PPP1R21: variants seen among roughly 807,000 people sequenced by gnomAD.
The protein encoded by PPP1R21 is protein phosphatase 1 regulatory subunit 21, also known as KLRAQ motif containing 1.
A neutral mutation model predicts 112.8 loss-of-function variants in PPP1R21; 85 were observed. The ratio of observed to expected loss-of-function variants is 0.75; its 90% CI spans 0.63 to 0.90. PPP1R21 has a LOEUF of 0.90. PPP1R21 is among the 40% of genes least tolerant of loss of function. PPP1R21 has a pLI of 0.00. For missense variants in PPP1R21, 1,199 were observed against 901.5 expected, an observed-to-expected ratio of 1.33 and a Z score of -4.23; for synonymous variants, 381 against 322.3, an observed-to-expected ratio of 1.18 and a Z score of -1.95.
At chr2:48,454,988 C>T (rs1014112212) in intron 3 of PPP1R21, among the ~76,000 whole-genome samples, 1 of 152,050 alleles carries the variant, frequency 6.6e-6, no homozygotes, top group East Asian at 1.9e-4. Flanking sequence ...TAGGTGTGCA[C>T]AACCATGCCT....
chr2:48,504,852 G>C (rs184194975), intron 17 of PPP1R21, among the ~76,000 whole-genome samples: 3 of 152,096 alleles, frequency 2.0e-5, no homozygotes, highest in Non-Finnish European at 2.9e-5. Flanking sequence ...GCAGCAGCCA[G>C]GCATGGTGAC....
intron 16 of PPP1R21, among the ~76,000 whole-genome samples, chr2:48,497,046 A>T (rs1467134407): frequency 6.6e-6 from 1 of 152,198 alleles, no homozygotes; most frequent in Non-Finnish European, 1.5e-5. Flanking sequence ...AATCAAACTC[A>T]AAAAGGGAGT....
At chr2:48,507,524 C>A (rs148169171) in intron 19 of PPP1R21, 139 bp downstream of exon 19, 5 of 1,317,220 alleles carry the variant, frequency 3.8e-6, no homozygotes, top group Admixed American at 6.9e-5. Flanking sequence ...TGTACCACCA[C>A]GCCCAGCTAA....
In PPP1R21 at chr2:48,457,317, C is replaced by T. The variant is rs557466580; in HGVS notation, c.274-809C>T. Among the ~76,000 whole-genome samples the T allele has an allele frequency of 6.6e-5, 10 of 152,198 alleles. No individual in the cohort carries two copies. The South Asian group carries it at 1.9e-3, about 28-fold the overall frequency. ...GGATATTTAATTTCTTTTTATATGG[C>T]TACTCCATTTTCAAAGGGCTTTTAA... On this transcript the variant is annotated intron_variant, in intron 3 of 21. Transcript: ENST00000294952.
chr2:48,468,526 T>C (rs1668305296), intron 9 of PPP1R21, among the ~76,000 whole-genome samples: 1 of 152,148 alleles, frequency 6.6e-6, no homozygotes, highest in Non-Finnish European at 1.5e-5. Flanking sequence ...TAAAAAATAT[T>C]TTCTGACCAG....
chr2:48,479,893 A>G, intron 12 of PPP1R21, 31 bp from the exon 13 acceptor site: 2 of 1,385,098 alleles, frequency 1.4e-6, no homozygotes, highest in South Asian at 1.2e-5. Context: ...TTTTCAGGAA[A>G]ATGCTTAGAT....
At chr2:48,497,411 CA>C (rs1167467893) in intron 16 of PPP1R21, among the ~76,000 whole-genome samples, 1 of 152,160 alleles carries the variant, frequency 6.6e-6, no homozygotes, top group African/African-American at 2.4e-5. Flanking sequence ...TGCCCATTTC[CA>C]GTTACTGCTC....
At chr2:48,496,819 C>T (rs1669866757) in intron 16 of PPP1R21, among the ~76,000 whole-genome samples, 1 of 152,224 alleles carries the variant, frequency 6.6e-6, no homozygotes, top group African/African-American at 2.4e-5. Flanking sequence ...TCAATCATGC[C>T]TATCCAGTGC....
chr2:48,495,658 C>T lies in PPP1R21; in HGVS notation c.1600-21C>T, dbSNP rs755613706. On this transcript the variant is annotated intron_variant, in intron 15 of 21. Transcript: ENST00000294952. ...GTGATACAATATTTTTTCTTTAATT[C>T]TTATGATGCTTTTATCATAGCCCCT... The T allele has an allele frequency of 4.2e-6, 6 of 1,444,182 alleles. No homozygotes were observed. In the African/African-American group the frequency reaches 4.2e-5, roughly 10 times the overall value. 89.5% of individuals were successfully genotyped at this position (1,444,182 alleles called of 1,614,324 possible). A position where few individuals can be genotyped will look rare whatever the true frequency, so the allele number is the denominator to read the frequency against.
chr2:48,508,102 A>C (rs954206556), intron 19 of PPP1R21, among the ~76,000 whole-genome samples: 17 of 151,886 alleles, frequency 1.1e-4, no homozygotes, highest in Non-Finnish European at 1.2e-4. Context: ...AAGTTATTGC[A>C]CTATGCAGTA....
intron 13 of PPP1R21, among the ~76,000 whole-genome samples, chr2:48,483,337 A>G (rs1031916946): frequency 2.7e-5 from 4 of 150,464 alleles, no homozygotes; most frequent in Non-Finnish European, 4.4e-5. Context: ...GTGCGTCACC[A>G]TGCCGGCTAA....
chr2:48,454,455 T>C, intron 2 of PPP1R21, 140 bp from the exon 3 acceptor site: 1 of 944,048 alleles, frequency 1.1e-6, no homozygotes, highest in Non-Finnish European at 1.6e-6. Context: ...ACTTAAGAAC[T>C]GAAGTGATAC....
rs748113573 is a variant in PPP1R21, at chr2:48,471,104, T to G, written c.915T>G (p.His305Gln). 3 of 1,610,890 alleles carry G rather than the reference T, an allele frequency of 1.9e-6. No homozygotes were observed. The highest frequency in any genetic ancestry group is 2.5e-6 in the Non-Finnish European group (3 of 1,177,118). ...CTGTTTAGTTCTCACAATACCTTCATGAAAATGCGTCCTATGTCCGCCCTC... is the reference window on the plus strand; with the variant it reads ...CTGTTTAGTTCTCACAATACCTTCAGGAAAATGCGTCCTATGTCCGCCCTC... ...PLNQKFSQYL[H>Q]ENASYVRPLE... The change falls in exon 10 of 22, where the codon CAT becomes CAG. Residue 305 changes from histidine (H) to glutamine (Q), a missense_variant. Transcript: ENST00000294952.
intron 6 of PPP1R21, among the ~76,000 whole-genome samples, 178 bp from the exon 7 acceptor site, chr2:48,460,960 G>C (rs1667950028): frequency 6.6e-6 from 1 of 152,216 alleles, no homozygotes; most frequent in Non-Finnish European, 1.5e-5. Flanking sequence ...CCTGGGACTT[G>C]AGAAGCCAGG....
rs1379231794 is a variant in PPP1R21 at position 48,440,823 on chromosome 2, CGGCGGCGGCGGCTGCGGT to C, written c.-127_-110del. 18 of 672,660 alleles carry C rather than the reference CGGCGGCGGCGGCTGCGGT, an allele frequency of 2.7e-5. No homozygotes were observed. In the African/African-American group the frequency reaches 3.1e-4, roughly 11 times the overall value. The allele number at this position is 672,660 out of a possible 1,614,324, so 41.7% of individuals were successfully genotyped here. On this transcript the variant is annotated 5_prime_UTR_variant, in exon 1 of 22. Coordinates refer to ENST00000294952, the MANE Select transcript of PPP1R21 (RefSeq NM_001135629.3). ...AGTGGAGGAGGAGGCGCGGCGGCGG[CGGCGGCGGCGGCTGCGGT>C]GGCCAAGCAGGCAGATACTGCCTGA... is the stretch of plus-strand genomic sequence containing the variant.
chr2:48,485,494 G>A (rs957987774), intron 13 of PPP1R21, among the ~76,000 whole-genome samples: 4 of 152,080 alleles, frequency 2.6e-5, no homozygotes, highest in African/African-American at 9.7e-5. Context: ...GGAAAAATTG[G>A]CTAAAGGGTG....
intron 17 of PPP1R21, among the ~76,000 whole-genome samples, chr2:48,501,586 C>T (rs764528287): frequency 1.3e-5 from 2 of 152,184 alleles, no homozygotes; most frequent in African/African-American, 2.4e-5. Context: ...TCATCCCAAG[C>T]CCTGCCCTCT....
chr2:48,472,704 C>G (rs1668574330), intron 11 of PPP1R21, among the ~76,000 whole-genome samples: 1 of 151,722 alleles, frequency 6.6e-6, no homozygotes, highest in South Asian at 2.1e-4. Context: ...ATCCCAATAC[C>G]TTGTGAGGTC....
At chr2:48,479,004 G>A (rs115949570) in intron 12 of PPP1R21, among the ~76,000 whole-genome samples, 1 of 152,132 alleles carries the variant, frequency 6.6e-6, no homozygotes, top group East Asian at 1.9e-4. Flanking sequence ...GCCCTTAGTG[G>A]AGGGGGTAGG....
Sources: gnomAD v4.1 joint callset for allele counts (sites outside exome capture counted in the v4.1 genomes callset) on GRCh38, gnomAD v4.1.1 for gene constraint, MANE v1.5 for transcripts, NCBI Gene and HGNC (gene_info 2026-07-23, HGNC 2026-07-21) for gene names.